The following DES variants were observed in gnomAD, a reference collection of about 807,000 sequenced individuals.
The protein encoded by DES is cardiomyopathy, dilated 1F (autosomal dominant).
Under a neutral mutation model 55.1 loss-of-function variants are expected in DES, and 34 were observed. The ratio of observed to expected loss-of-function variants is 0.62; its 90% CI spans 0.47 to 0.82. DES has a LOEUF of 0.82. DES is among the 40% of genes least tolerant of loss of function. The pLI is 0.00. For missense variants in DES, 596 were observed against 645.9 expected (o/e 0.92, Z 0.84); for synonymous variants, 259 against 270.8 (o/e 0.96, Z 0.43).
rs1009542427 is a variant in DES at position 219,419,968 on chromosome 2, G to T, written c.579-127G>T. The stretch of plus-strand genomic sequence containing the variant: ...GGCCTCTCCACTCCCTGTCTCTCCT[G>T]CCTCTACCCAGCAGCCAGGCCCTCC... On this transcript the variant is annotated intron_variant, in intron 1 of 8. Transcript: ENST00000373960. This position sits in a 1 kb window ranked among gnomAD's most constrained non-coding sequence, Gnocchi z 4.3. The T allele has an allele frequency of 1.1e-5, 11 of 978,526 alleles. No individual in the cohort carries two copies. The highest frequency in any genetic ancestry group is 1.8e-5 in the Non-Finnish European group (11 of 617,902). The allele number at this position is 978,526 out of a possible 1,614,324, so 60.6% of individuals were successfully genotyped here. A position where few individuals can be genotyped will look rare whatever the true frequency, so the allele number is the denominator to read the frequency against.
chr2:219,425,817 C>T (rs1954525357), intron 8 of DES, 72 bp downstream of exon 8: 1 of 1,602,550 alleles, frequency 6.2e-7, no homozygotes, highest in Non-Finnish European at 8.5e-7. Context: ...GTCTTCCACC[C>T]AGCTGTGCTG....
Position 219,426,296 on chromosome 2 carries a change from C to T in DES, c.*306C>T, listed in dbSNP as rs912862221. The T allele has an allele frequency of 5.5e-6, 3 of 543,852 alleles. No homozygotes were observed. In the Admixed American group the frequency reaches 9.0e-5, roughly 16 times the overall value. 33.7% of individuals were successfully genotyped at this position (543,852 alleles called of 1,614,324 possible). A position where few individuals can be genotyped will look rare whatever the true frequency, so the allele number is the denominator to read the frequency against. Reference sequence around the variant, plus strand: ...GGAGCGGTGGCCCTGTCCCTCCCACCTCTGTGACCTCAGGCACTAGCCTTT... The same window carrying T: ...GGAGCGGTGGCCCTGTCCCTCCCACTTCTGTGACCTCAGGCACTAGCCTTT... On this transcript the variant is annotated 3_prime_UTR_variant, in exon 9 of 9. Coordinates refer to ENST00000373960, the MANE Select transcript of DES (RefSeq NM_001927.4). The surrounding 1 kb of genome is among the most constrained non-coding windows in gnomAD (Gnocchi z 4.5).
chr2:219,425,399 C>T lies in DES; in HGVS notation c.1289-264C>T, dbSNP rs58898098. 0.012 allele frequency: 5,855 copies of T among 496,884 alleles called. 254 individuals carry two copies. Among genetic ancestry groups the T allele is most frequent in the African/African-American group, 0.1 (5,249 of 51,440 alleles). 30.8% of individuals were successfully genotyped at this position (496,884 alleles called of 1,614,324 possible). On this transcript the variant is annotated intron_variant, in intron 7 of 8. Transcript: ENST00000373960. ...CTGGGCCTCAGGTGTCCCCTACCCT[C>T]CTGCACCATCCTGCACATGGAGCAA...
chr2:219,419,521 G>A lies in DES; in HGVS notation c.578+481G>A, dbSNP rs1398151928. 1.3e-5 allele frequency among the ~76,000 whole-genome samples: 2 copies of A among 152,066 alleles called. No individual in the cohort carries two copies. The highest frequency in any genetic ancestry group is 1.9e-4 in the East Asian group (1 of 5,170). On this transcript the variant is annotated intron_variant, in intron 1 of 8. Transcript: ENST00000373960. This position sits in a 1 kb window ranked among gnomAD's most constrained non-coding sequence, Gnocchi z 4.3. The stretch of plus-strand genomic sequence containing the variant: ...CTGTGATGAGGCCCTGGGGGAGGTG[G>A]GGGGAGGGGGGAGCTTGGCCCTGGG...
At chr2:219,424,205 T>C (rs1184176096) in intron 7 of DES, among the ~76,000 whole-genome samples, 1 of 152,188 alleles carries the variant, frequency 6.6e-6, no homozygotes, top group Admixed American at 6.5e-5. Context: ...CATTGTCTGT[T>C]TGGCACATTG....
Position 219,420,983 on chromosome 2 carries a change from GC to G in DES, c.1023+34del. 1.9e-6 allele frequency: 3 copies of G among 1,608,258 alleles called. No homozygotes were observed. Among genetic ancestry groups the G allele is most frequent in the Non-Finnish European group, 1.7e-6 (2 of 1,178,026 alleles). Reference sequence around the variant, plus strand: ...GTCCCTGCCCACCTGGCCAGGCCCTGCCCCTTCCTGTCTGCAGTTCACACCC... The same window carrying G: ...GTCCCTGCCCACCTGGCCAGGCCCTGCCCTTCCTGTCTGCAGTTCACACCC... On this transcript the variant is annotated intron_variant, in intron 5 of 8. Transcript: ENST00000373960. The surrounding 1 kb of genome is among the most constrained non-coding windows in gnomAD (Gnocchi z 6.0).
chr2:219,420,578 C>T lies in DES; in HGVS notation c.819C>T (p.Ala273=). ...TGTCTAAGCCAGACCTCACTGCCGC[C>T]CTCAGGGACATCCGGGCTCAGTATG... is the stretch of plus-strand genomic sequence containing the variant. ...MDMSKPDLTA[A]LRDIRAQYET... The change falls in exon 4 of 9, where the codon GCC becomes GCT. Residue 273 remains alanine (A), a synonymous_variant. Transcript: ENST00000373960. The surrounding 1 kb of genome is among the most constrained non-coding windows in gnomAD (Gnocchi z 6.0). The T allele has an allele frequency of 6.2e-7, 1 of 1,613,984 alleles. No homozygotes were observed. Among genetic ancestry groups the T allele is most frequent in the South Asian group, 1.1e-5 (1 of 91,076 alleles).
At chr2:219,423,639 CTG>C in intron 6 of DES, 136 bp from the exon 7 acceptor site, 1 of 785,454 alleles carries the variant, frequency 1.3e-6, no homozygotes, top group African/African-American at 1.7e-5. Context: ...CGGGGTTTCA[CTG>C]TGTTAGCCAG....
rs143154982 is a variant in DES at position 219,423,789 on chromosome 2, C to T, written c.1257C>T (p.Pro419=). The T allele has an allele frequency of 1.6e-5, 26 of 1,613,766 alleles. No individual in the cohort carries two copies. The African/African-American group carries it at 3.3e-4, about 21-fold the overall frequency. The change falls in exon 7 of 9, where the codon CCC becomes CCT. Residue 419 remains proline, a synonymous_variant. Transcript: ENST00000373960. ...TCTTCCCTTTTAGGATCAATCTCCC[C>T]ATCCAGACCTACTCTGCCCTCAACT... ...LEGEESRINL[P]IQTYSALNFR... is the part of the protein sequence containing the mutation.
In DES at chr2:219,426,371, G is replaced by A; in HGVS notation, c.*381G>A. The A allele has an allele frequency of 2.5e-6, 1 of 401,238 alleles. No homozygotes were observed. Among genetic ancestry groups the A allele is most frequent in the Non-Finnish European group, 4.7e-6 (1 of 210,820 alleles). 24.9% of individuals were successfully genotyped at this position (401,238 alleles called of 1,614,324 possible). A position where few individuals can be genotyped will look rare whatever the true frequency, so the allele number is the denominator to read the frequency against. ...GGGTGTTGGGATACTGCAGGGCCAG[G>A]ACTGAGCCCCGCAGACCTCCCCAGC... is the stretch of plus-strand genomic sequence containing the variant. On this transcript the variant is annotated 3_prime_UTR_variant, in exon 9 of 9. Transcript: ENST00000373960. The surrounding 1 kb of genome is among the most constrained non-coding windows in gnomAD (Gnocchi z 4.5).
Position 219,418,647 on chromosome 2 carries a change from G to C in DES, c.185G>C (p.Gly62Ala). ...TACCAGGTGTCGCGCACGTCGGGCG[G>C]GGCCGGGGGCCTGGGGTCGCTGCGG... ...RVYQVSRTSG[G>A]AGGLGSLRAS... is the part of the protein sequence containing the mutation. The change falls in exon 1 of 9, where the codon GGG becomes GCG. Residue 62 changes from glycine to alanine, a missense_variant. Transcript: ENST00000373960. 1 of 1,595,722 alleles carries C rather than the reference G, an allele frequency of 6.3e-7. No individual in the cohort carries two copies. The highest frequency in any genetic ancestry group is 1.3e-5 in the African/African-American group (1 of 74,790).
chr2:219,426,479 G>A lies in DES; in HGVS notation c.*489G>A, dbSNP rs886055655. On this transcript the variant is annotated 3_prime_UTR_variant, in exon 9 of 9. Coordinates refer to ENST00000373960, the MANE Select transcript of DES (RefSeq NM_001927.4). The surrounding 1 kb of genome is among the most constrained non-coding windows in gnomAD (Gnocchi z 4.5). ...GACTGGGGGGCTTGAAATTGTCCCC[G>A]TGGTCTCTTACTTTCCTTTCCCCAG... 13 of 228,294 alleles carry A rather than the reference G, an allele frequency of 5.7e-5. No individual in the cohort carries two copies. The East Asian group carries it at 1.0e-3, about 18-fold the overall frequency. The allele number at this position is 228,294 out of a possible 1,614,324, so 14.1% of individuals were successfully genotyped here.
intron 7 of DES, 161 bp from the exon 8 acceptor site, chr2:219,425,502 G>A (rs1954518876): frequency 4.4e-6 from 3 of 685,882 alleles, no homozygotes; most frequent in African/African-American, 1.8e-5. Flanking sequence ...GTGCTGGGCT[G>A]AAGGAAAGGT....
At position 219,420,505 on chromosome 2, in the gene DES, A is replaced by C. The variant is rs1256488465; in HGVS notation, c.746A>C (p.Glu249Ala). ...LKKVHEEEIRELQAQLQEQQV... is the reference protein window; with the variant it reads ...LKKVHEEEIRALQAQLQEQQV... ...AGTCATGCCCTACAGGAGATCCGTG[A>C]GTTGCAGGCTCAGCTTCAGGAACAG... The change falls in exon 4 of 9, where the codon GAG becomes GCG. Residue 249 changes from glutamate (E) to alanine (A), a missense_variant. Glu to Ala is a moderately radical substitution (Grantham distance 107). Coordinates refer to ENST00000373960, the MANE Select transcript of DES (RefSeq NM_001927.4). The surrounding 1 kb of genome is among the most constrained non-coding windows in gnomAD (Gnocchi z 6.0). 2 of 1,613,776 alleles carry C rather than the reference A, an allele frequency of 1.2e-6. No homozygotes were observed. Among genetic ancestry groups the C allele is most frequent in the African/African-American group, 2.7e-5 (2 of 74,862 alleles).
At position 219,420,134 on chromosome 2, in the gene DES, C is replaced by T; in HGVS notation, c.618C>T (p.Asn206=). 1 of 1,614,222 alleles carries T rather than the reference C, an allele frequency of 6.2e-7. No individual in the cohort carries two copies. Among genetic ancestry groups the T allele is most frequent in the Non-Finnish European group, 8.5e-7 (1 of 1,180,032 alleles). Residue 206 remains asparagine (N), a synonymous_variant, in exon 2 of 9, where the codon AAC becomes AAT. Coordinates refer to ENST00000373960, the MANE Select transcript of DES (RefSeq NM_001927.4). This position sits in a 1 kb window ranked among gnomAD's most constrained non-coding sequence, Gnocchi z 6.0. Reference sequence around the variant, plus strand: ...TTCAGTTGAAGGAAGAAGCAGAGAACAATTTGGCTGCCTTCCGAGCGGTGA... The same window carrying T: ...TTCAGTTGAAGGAAGAAGCAGAGAATAATTTGGCTGCCTTCCGAGCGGTGA... The part of the protein sequence containing the change: ...EEIQLKEEAE[N]NLAAFRADVD...
Position 219,420,914 on chromosome 2 carries a change from C to A in DES, c.984C>A (p.Ile328=). The part of the protein sequence containing the change: ...KQEMMEYRHQ[I]QSYTCEIDAL... ...AGATGATGGAATACCGACACCAGAT[C>A]CAGTCCTACACCTGCGAGATTGACG... Residue 328 remains isoleucine, a synonymous_variant, in exon 5 of 9, where the codon ATC becomes ATA. Transcript: ENST00000373960. This position sits in a 1 kb window ranked among gnomAD's most constrained non-coding sequence, Gnocchi z 6.0. 6.2e-7 allele frequency: 1 copy of A among 1,613,636 alleles called. No homozygotes were observed. The highest frequency in any genetic ancestry group is 8.5e-7 in the Non-Finnish European group (1 of 1,179,706).
At chr2:219,422,489 G>A (rs546116428) in intron 6 of DES, among the ~76,000 whole-genome samples, 7 of 46,528 alleles carry the variant, frequency 1.5e-4, no homozygotes, top group Non-Finnish European at 2.8e-4. Context: ...TTTTGAGACA[G>A]AGTCTTGCTC....
Position 219,418,911 on chromosome 2 carries a change from G to C in DES, c.449G>C (p.Arg150Pro). Residue 150 changes from arginine (R) to proline (P), a missense_variant, in exon 1 of 9, where the codon CGA becomes CCA. Transcript: ENST00000373960. ...CGGCTCAAGGGCCGCGAGCCGACGC[G>C]AGTGGCCGAGCTCTACGAGGAGGAG... Reference protein sequence around the residue: ...VNRLKGREPTRVAELYEEELR... With the variant: ...VNRLKGREPTPVAELYEEELR... 6.4e-7 allele frequency: 1 copy of C among 1,563,024 alleles called. No homozygotes were observed. Among genetic ancestry groups the C allele is most frequent in the Non-Finnish European group, 8.7e-7 (1 of 1,153,540 alleles).
chr2:219,424,840 C>A (rs1954506879), intron 7 of DES, among the ~76,000 whole-genome samples: 1 of 152,230 alleles, frequency 6.6e-6, no homozygotes, highest in South Asian at 2.1e-4. Flanking sequence ...AGCATCAGCA[C>A]AATGAGTCAG....
Sources: gnomAD v4.1 joint callset for allele counts (sites outside exome capture counted in the v4.1 genomes callset) on GRCh38, gnomAD v4.1.1 for gene constraint, Gnocchi (gnomAD v3.1) non-coding constraint, MANE v1.5 for transcripts, NCBI Gene and HGNC (gene_info 2026-07-23, HGNC 2026-07-21) for gene names.